Variants in FRY observed in about 807,000 individuals in gnomAD.
The protein encoded by FRY is protein furry homolog.
In FRY, 128 loss-of-function variants were observed where a neutral mutation model predicts 348.4. That is an observed-to-expected ratio of 0.37 (90% CI 0.32 to 0.43). The LOEUF (loss-of-function observed/expected upper bound fraction) is 0.43. Among genes scored for constraint, FRY ranks in the 20% least tolerant of loss-of-function variants. The probability of loss-of-function intolerance (pLI) is 1.00; values close to 1 mark genes in which losing one functional copy is unlikely to be tolerated. For synonymous variants in FRY, 1,370 were observed against 1,374.7 expected (o/e 1.00, Z 0.08); for missense variants, 2,736 against 3,695.2 (o/e 0.74, Z 6.73).
At chr13:32,147,248 CA>C (rs1880515073) in intron 11 of FRY, 33 bp from the exon 12 acceptor site, 1 of 1,255,052 alleles carries the variant, frequency 8.0e-7, no homozygotes, top group African/African-American at 1.5e-5. Context: ...TCACTATTTA[CA>C]TCTGCAGTCT....
intron 25 of FRY, 93 bp from the exon 26 acceptor site, chr13:32,184,883 T>A: frequency 8.7e-7 from 1 of 1,152,552 alleles, no homozygotes; most frequent in Non-Finnish European, 1.3e-6. Flanking sequence ...CTTTAGTGTG[T>A]GAGTTGTGAC....
At position 32,225,803 on chromosome 13, in the gene FRY, C is replaced by A. The variant is rs370742861; in HGVS notation, c.5035C>A (p.Arg1679=). 9.3e-6 allele frequency: 15 copies of A among 1,613,404 alleles called. No individual in the cohort carries two copies. Among genetic ancestry groups the A allele is most frequent in the Non-Finnish European group, 1.2e-5 (14 of 1,179,454 alleles). ...TTTTGTTCCAGGTTTAGACCACTACCGGCCTGAAGTCTTTGAACACAGCAA... is the reference window on the plus strand; with the variant it reads ...TTTTGTTCCAGGTTTAGACCACTACAGGCCTGAAGTCTTTGAACACAGCAA... ...HAVFLGLDHY[R]PEVFEHSKKL... is the part of the protein sequence containing the mutation. The change falls in exon 39 of 61, where the codon CGG becomes AGG. Residue 1679 remains arginine (R), a synonymous_variant. Coordinates refer to ENST00000542859, the MANE Select transcript of FRY (RefSeq NM_023037.3).
At chr13:32,090,350 CAAAAAA>C (rs34392238) in intron 2 of FRY, among the ~76,000 whole-genome samples, 17 of 58,808 alleles carry the variant, frequency 2.9e-4, no homozygotes, top group African/African-American at 5.4e-4. Context: ...GACTCCATCT[CAAAAAA>C]AAAAAAAAAA....
intron 17 of FRY, among the ~76,000 whole-genome samples, chr13:32,163,412 C>A (rs1050831695): frequency 6.6e-6 from 1 of 152,214 alleles, no homozygotes; most frequent in African/African-American, 2.4e-5. Context: ...TCAAGCCTAT[C>A]CTTTTCCCAT....
chr13:32,250,634 C>T (rs549735274), intron 49 of FRY, among the ~76,000 whole-genome samples: 2 of 152,298 alleles, frequency 1.3e-5, no homozygotes, highest in East Asian at 3.9e-4. Context: ...GGCATAGCCT[C>T]ACTTAGTGGG....
Position 32,202,024 on chromosome 13 carries a change from C to T in FRY, c.3830C>T (p.Ser1277Phe). 1.3e-6 allele frequency: 2 copies of T among 1,588,170 alleles called. No homozygotes were observed. The highest frequency in any genetic ancestry group is 1.7e-6 in the Non-Finnish European group (2 of 1,156,624). Reference protein sequence around the residue: ...SDTNREIYEISMQLMQILEAK... With the variant: ...SDTNREIYEIFMQLMQILEAK... ...ACCAACAGAGAGATTTATGAAATCT[C>T]CATGCAGCTCATGCAGGCACGTATC... The change falls in exon 30 of 61, where the codon TCC becomes TTC. Residue 1277 changes from serine to phenylalanine, a missense_variant. Around this residue, in one of 9 missense-constraint regions of FRY, gnomAD observed 794 missense variants for 977.0 expected, o/e 0.81. Coordinates refer to ENST00000542859, the MANE Select transcript of FRY (RefSeq NM_023037.3).
At chr13:32,224,848 A>G (rs1447196008) in intron 37 of FRY, 85 bp from the exon 38 acceptor site, 2 of 849,756 alleles carry the variant, frequency 2.4e-6, no homozygotes, top group South Asian at 1.3e-5. Flanking sequence ...AACACTTAAG[A>G]GTTATATTGT....
chr13:32,039,493 T>TC (rs11301420), intron 1 of FRY, among the ~76,000 whole-genome samples: 64 of 151,656 alleles, frequency 4.2e-4, no homozygotes, highest in African/African-American at 1.1e-3. Flanking sequence ...CTCTCCCACC[T>TC]CCCCCCCCAT....
chr13:32,181,978 T>G (rs1882743679), intron 23 of FRY, among the ~76,000 whole-genome samples: 1 of 152,176 alleles, frequency 6.6e-6, no homozygotes, highest in African/African-American at 2.4e-5. Context: ...ATGAAGAAAT[T>G]CTAATGTCTG....
intron 58 of FRY, among the ~76,000 whole-genome samples, chr13:32,287,375 T>TCAATATTCAATATATC (rs1889130666): frequency 6.6e-6 from 1 of 152,212 alleles, no homozygotes; most frequent in African/African-American, 2.4e-5. Flanking sequence ...TTCATTATAT[T>TCAATATTCAATATATC]CAATGTTAAT....
chr13:32,188,107 C>T (rs1883129271), intron 28 of FRY, among the ~76,000 whole-genome samples: 1 of 152,060 alleles, frequency 6.6e-6, no homozygotes, highest in Admixed American at 6.5e-5. Context: ...GAATGAAATG[C>T]ATAGCCTTAA....
At chr13:32,122,205 A>C (rs1234766064) in intron 4 of FRY, among the ~76,000 whole-genome samples, 1 of 152,172 alleles carries the variant, frequency 6.6e-6, no homozygotes, top group Non-Finnish European at 1.5e-5. Flanking sequence ...GCACTTTGGG[A>C]GGCCGAGGTG....
At chr13:32,159,842 A>G (rs1881338974) in intron 16 of FRY, among the ~76,000 whole-genome samples, 1 of 152,232 alleles carries the variant, frequency 6.6e-6, no homozygotes, top group African/African-American at 2.4e-5. Flanking sequence ...AACACTGTAC[A>G]GCTATTGAGG....
rs560266397 is a variant in FRY at position 32,234,273 on chromosome 13, A to G, written c.5528-301A>G. 9.2e-5 allele frequency among the ~76,000 whole-genome samples: 14 copies of G among 152,120 alleles called. No homozygotes were observed. In the East Asian group the frequency reaches 2.3e-3, roughly 25 times the overall value. ...CCCATCTCTACAAAAAACACAAAAA[A>G]GTATCCAGGCATGGTGGCACATGCC... On this transcript the variant is annotated intron_variant, in intron 41 of 60. Coordinates refer to ENST00000542859, the MANE Select transcript of FRY (RefSeq NM_023037.3).
chr13:32,221,692 T>C (rs1885323959), intron 36 of FRY, among the ~76,000 whole-genome samples: 1 of 152,158 alleles, frequency 6.6e-6, no homozygotes, highest in Non-Finnish European at 1.5e-5. Flanking sequence ...TTTGTATTTT[T>C]AGTAGAGACA....
chr13:32,101,478 C>A (rs1270808047), intron 2 of FRY, among the ~76,000 whole-genome samples: 3 of 152,172 alleles, frequency 2.0e-5, no homozygotes, highest in Non-Finnish European at 4.4e-5. Context: ...TCTTTGGATA[C>A]ATACCCAGAA....
In FRY at chr13:32,228,400, C is replaced by CA. The variant is rs1885716947; in HGVS notation, c.5207-55dup. 8.6e-6 allele frequency: 11 copies of CA among 1,282,482 alleles called. No individual in the cohort carries two copies. In the East Asian group the frequency reaches 2.5e-4, roughly 30 times the overall value. The allele number at this position is 1,282,482 out of a possible 1,614,324, so 79.4% of individuals were successfully genotyped here. A position where few individuals can be genotyped will look rare whatever the true frequency, so the allele number is the denominator to read the frequency against. ...GCCCTCCTCTGTGGACCTCATTAAG[C>CA]ATGCTGACAAGCACACTGCCTAGTA... is the stretch of plus-strand genomic sequence containing the variant. On this transcript the variant is annotated intron_variant, in intron 39 of 60. Coordinates refer to ENST00000542859, the MANE Select transcript of FRY (RefSeq NM_023037.3).
chr13:32,197,349 A>G (rs1161428230), intron 29 of FRY, among the ~76,000 whole-genome samples: 1 of 152,226 alleles, frequency 6.6e-6, no homozygotes, highest in East Asian at 1.9e-4. Context: ...TTATCCATCT[A>G]TCAACAAGGA....
In FRY at chr13:32,210,939, A is replaced by C; in HGVS notation, c.4496A>C (p.Gln1499Pro). The change falls in exon 34 of 61, where the codon CAG becomes CCG. Residue 1499 changes from glutamine (Q) to proline (P), a missense_variant. This residue lies in a region of FRY where 794 missense variants were observed against 977.0 expected (regional missense o/e 0.81). Coordinates refer to ENST00000542859, the MANE Select transcript of FRY (RefSeq NM_023037.3). ...QTMEELLFEL[Q>P]QTEPVNPIVQ... ...ATGGAAGAGCTTCTCTTTGAGCTGC[A>C]GCAGACAGAGCCCGTGAACCCCATC... 6.2e-7 allele frequency: 1 copy of C among 1,613,972 alleles called. No individual in the cohort carries two copies. The highest frequency in any genetic ancestry group is 8.5e-7 in the Non-Finnish European group (1 of 1,179,842).
Sources: gnomAD v4.1 joint callset for allele counts (sites outside exome capture counted in the v4.1 genomes callset) on GRCh38, gnomAD v4.1.1 for gene constraint, gnomAD v4.1.1 regional missense constraint, MANE v1.5 for transcripts, NCBI Gene and HGNC (gene_info 2026-07-23, HGNC 2026-07-21) for gene names.